APTX: variants seen among roughly 807,000 people sequenced by gnomAD.
APTX encodes aprataxin.
In APTX, 33 loss-of-function variants were observed where a neutral mutation model predicts 42.3. That is an observed-to-expected ratio of 0.78 (90% CI 0.59 to 1.04). APTX has a LOEUF of 1.04. Ranked by LOEUF, APTX falls within the 50% of genes least tolerant of loss-of-function variation. The pLI is 0.00. For synonymous variants in APTX, 130 were observed against 146.7 expected (o/e 0.89, Z 0.82); for missense variants, 421 against 415.1 (o/e 1.01, Z -0.12).
intron 6 of APTX, among the ~76,000 whole-genome samples, chr9:32,981,576 T>A (rs1419107499): frequency 6.6e-6 from 1 of 152,288 alleles, no homozygotes; most frequent in East Asian, 1.9e-4. Context: ...AAGTGGTTCA[T>A]TCCAGATAAG....
At chr9:33,015,967 G>A (rs1837872338) in intron 1 of APTX, 1 of 152,190 alleles carries the variant, frequency 6.6e-6, no homozygotes, top group South Asian at 2.1e-4. Context: ...GAATACATTT[G>A]ACAAGGTGAG....
Position 32,989,751 on chromosome 9 carries a change from C to T in APTX, c.133+8G>A. On this transcript the variant is annotated splice_region_variant and intron_variant, in intron 2 of 7. Coordinates refer to ENST00000379817, the MANE Select transcript of APTX (RefSeq NM_001195248.2). The stretch of plus-strand genomic sequence containing the variant: ...CATAGTAATCTCCACATTTCTATGA[C>T]CAGTTACCTTGCTGTCGAGAACATT... 6.2e-7 allele frequency: 1 copy of T among 1,614,218 alleles called. No individual in the cohort carries two copies.
intron 4 of APTX, among the ~76,000 whole-genome samples, chr9:32,986,921 G>A (rs993278075): frequency 1.3e-5 from 2 of 152,064 alleles, no homozygotes; most frequent in Non-Finnish European, 2.9e-5. Context: ...CAATCCTCCC[G>A]CCTCAGCCTC....
chr9:32,987,478 A>G, intron 4 of APTX, 66 bp downstream of exon 4: 4 of 1,597,330 alleles, frequency 2.5e-6, no homozygotes, highest in Non-Finnish European at 3.4e-6. Flanking sequence ...AAAGTGTACA[A>G]AACAATTAAG....
At chr9:33,021,313 T>C (rs899184704) in intron 1 of APTX, among the ~76,000 whole-genome samples, 1 of 152,090 alleles carries the variant, frequency 6.6e-6, no homozygotes, top group African/African-American at 2.4e-5. Flanking sequence ...AGTAGGAAGA[T>C]TCGACATTTT....
chr9:32,989,851 T>C lies in APTX; in HGVS notation c.41A>G (p.His14Arg). ...CAAATGTGGAAGTCTGATTCGCTGG[T>C]GCCGGCTGTCCTGTCTCACCAACCA... is the stretch of plus-strand genomic sequence containing the variant. ...VCWLVRQDSR[H>R]QRIRLPHLEA... is the part of the protein sequence containing the mutation. Residue 14 changes from histidine (H) to arginine (R), a missense_variant, in exon 2 of 8, where the codon CAC becomes CGC. Transcript: ENST00000379817. 6.2e-7 allele frequency: 1 copy of C among 1,614,248 alleles called. No homozygotes were observed. The highest frequency in any genetic ancestry group is 8.5e-7 in the Non-Finnish European group (1 of 1,180,036).
intron 1 of APTX, among the ~76,000 whole-genome samples, chr9:32,995,859 G>C (rs1328255455): frequency 6.8e-6 from 1 of 148,044 alleles, no homozygotes; most frequent in Non-Finnish European, 1.5e-5. Flanking sequence ...CTGCACTCCA[G>C]CCTGGGCGAC....
intron 1 of APTX, 67 bp from the exon 2 acceptor site, chr9:32,989,962 C>G (rs1011473538): frequency 4.5e-6 from 7 of 1,555,958 alleles, no homozygotes; most frequent in Non-Finnish European, 6.1e-6. Context: ...CAGGGCCACA[C>G]CCGGTGCCAC....
intron 1 of APTX, among the ~76,000 whole-genome samples, chr9:33,007,635 G>A (rs375914173): frequency 3.0e-4 from 45 of 152,148 alleles, no homozygotes; most frequent in African/African-American, 5.3e-4. Context: ...AAAATCTAGC[G>A]AAACATAAAT....
At chr9:33,001,209 G>A (rs912406569) in intron 1 of APTX, 2 of 1,049,150 alleles carry the variant, frequency 1.9e-6, no homozygotes, top group Admixed American at 2.7e-5. Context: ...GGTCCCTCAA[G>A]TGCCTTTCAC....
rs1163435899 is a variant in APTX, at chr9:32,972,708, A to C, written c.*790T>G. ...ACCACCTTTCCATGCATCAGAACCT[A>C]TGCTGTGATTGTTAGCTGAACTTCA... is the stretch of plus-strand genomic sequence containing the variant. On this transcript the variant is annotated 3_prime_UTR_variant, in exon 8 of 8. Transcript: ENST00000379817. 2.2e-6 allele frequency: 1 copy of C among 453,932 alleles called. No individual in the cohort carries two copies. The highest frequency in any genetic ancestry group is 4.4e-6 in the Non-Finnish European group (1 of 226,734). The allele number at this position is 453,932 out of a possible 1,614,324, so 28.1% of individuals were successfully genotyped here. A position where few individuals can be genotyped will look rare whatever the true frequency, so the allele number is the denominator to read the frequency against.
intron 1 of APTX, chr9:33,020,021 G>A (rs987310042): frequency 1.5e-5 from 6 of 402,556 alleles, no homozygotes; most frequent in African/African-American, 1.0e-4. Flanking sequence ...TGCGGTGGGG[G>A]AGCTCCGCTG....
At chr9:33,011,722 C>G (rs1475089748) in intron 1 of APTX, among the ~76,000 whole-genome samples, 2 of 152,184 alleles carry the variant, frequency 1.3e-5, no homozygotes, top group South Asian at 2.1e-4. Context: ...CTCTGTGTCA[C>G]GCAGTGGGGT....
At chr9:33,018,014 A>G (rs868469110) in intron 1 of APTX, among the ~76,000 whole-genome samples, 2 of 145,910 alleles carry the variant, frequency 1.4e-5, no homozygotes, top group African/African-American at 5.1e-5. Flanking sequence ...CTTGTTATGA[A>G]TAACAAGATA....
chr9:33,022,918 T>C (rs1048092333), intron 1 of APTX, among the ~76,000 whole-genome samples: 11 of 152,336 alleles, frequency 7.2e-5, no homozygotes, highest in Non-Finnish European at 1.2e-4. Flanking sequence ...CACCACTCAC[T>C]GCAGCCTTGA....
chr9:33,006,996 T>C (rs150200570), intron 1 of APTX, among the ~76,000 whole-genome samples: 7,159 of 50,112 alleles, frequency 0.14, 309 homozygotes, highest in Non-Finnish European at 0.18. Flanking sequence ...CAAGACTCTG[T>C]CTCAAAAAAA....
chr9:32,984,840 C>T lies in APTX; in HGVS notation c.561G>A (p.Gln187=), dbSNP rs1831535757. ...GGTATTTATCCTTTATCACCACCACCTGCTCATCTTTGTAAACCTAGCAGA... is the reference window on the plus strand; with the variant it reads ...GGTATTTATCCTTTATCACCACCACTTGCTCATCTTTGTAAACCTAGCAGA... The part of the protein sequence containing the change: ...DPKMQVYKDE[Q]VVVIKDKYPK... The change falls in exon 6 of 8, where the codon CAG becomes CAA. Residue 187 remains glutamine, a synonymous_variant. Coordinates refer to ENST00000379817, the MANE Select transcript of APTX (RefSeq NM_001195248.2). 1 of 1,614,056 alleles carries T rather than the reference C, an allele frequency of 6.2e-7. No homozygotes were observed. Among genetic ancestry groups the T allele is most frequent in the Admixed American group, 1.7e-5 (1 of 60,008 alleles).
upstream of APTX, among the ~76,000 whole-genome samples, chr9:33,002,126 G>A (rs1385557212): frequency 2.0e-5 from 3 of 151,936 alleles, no homozygotes; most frequent in Non-Finnish European, 4.4e-5. Flanking sequence ...GGCAATCCGG[G>A]AGAAAAAAAG....
intron 4 of APTX, chr9:32,986,263 G>T: frequency 1.6e-6 from 1 of 623,504 alleles, no homozygotes; most frequent in South Asian, 1.6e-5. Flanking sequence ...CACCCAAGCT[G>T]GAGTGCAGCG....
Sources: gnomAD v4.1 joint callset for allele counts (sites outside exome capture counted in the v4.1 genomes callset) on GRCh38, gnomAD v4.1.1 for gene constraint, MANE v1.5 for transcripts, NCBI Gene and HGNC (gene_info 2026-07-23, HGNC 2026-07-21) for gene names.